FSTL5: variants seen among roughly 807,000 people sequenced by gnomAD.
The protein encoded by FSTL5 is follistatin like 5.
A neutral mutation model predicts 89.1 loss-of-function variants in FSTL5; 62 were observed. That is an observed-to-expected ratio of 0.70 (90% CI 0.57 to 0.86). The LOEUF (loss-of-function observed/expected upper bound fraction) is 0.86. Ranked by LOEUF, FSTL5 falls within the 40% of genes least tolerant of loss-of-function variation. FSTL5 has a pLI of 0.00. For synonymous variants in FSTL5, 383 were observed against 346.2 expected, an observed-to-expected ratio of 1.11 and a Z score of -1.18; for missense variants, 1,057 against 1,001.6, an observed-to-expected ratio of 1.06 and a Z score of -0.75.
Position 161,667,162 on chromosome 4 carries a change from A to G in FSTL5, c.728-10668T>C, listed in dbSNP as rs570199473. ...ATTCTTTTAGTGGTCTTATAAATGTACAATTATCTTTCAAGGGTTCTGTTA... is the reference window on the plus strand; with the variant it reads ...ATTCTTTTAGTGGTCTTATAAATGTGCAATTATCTTTCAAGGGTTCTGTTA... On this transcript the variant is annotated intron_variant, in intron 6 of 15. Transcript: ENST00000306100. Among the ~76,000 whole-genome samples the G allele has an allele frequency of 2.9e-3, 449 of 152,214 alleles. 2 individuals are homozygous for G. Among genetic ancestry groups the G allele is most frequent in the Non-Finnish European group, 5.3e-3 (360 of 67,908 alleles).
intron 13 of FSTL5, among the ~76,000 whole-genome samples, chr4:161,469,198 T>C (rs1343574063): frequency 6.6e-6 from 1 of 152,194 alleles, no homozygotes; most frequent in African/African-American, 2.4e-5. Context: ...GACTGGCTTA[T>C]TTCACTTATC....
intron 2 of FSTL5, among the ~76,000 whole-genome samples, chr4:162,058,423 C>CTTTTTTTTT (rs764578152): frequency 8.9e-6 from 1 of 112,108 alleles, no homozygotes; most frequent in African/African-American, 3.5e-5. Flanking sequence ...ATAAATTCCT[C>CTTTTTTTTT]TTTTTTTTTT....
chr4:161,984,326 A>T (rs1735905250), intron 3 of FSTL5, among the ~76,000 whole-genome samples: 1 of 151,958 alleles, frequency 6.6e-6, no homozygotes, highest in African/African-American at 2.4e-5. Flanking sequence ...TTTTTGCTAT[A>T]AGTTTTTCTG....
chr4:161,547,456 T>C (rs1295033885), intron 8 of FSTL5, among the ~76,000 whole-genome samples: 1 of 151,906 alleles, frequency 6.6e-6, no homozygotes, highest in Non-Finnish European at 1.5e-5. Context: ...TTTTATGAAG[T>C]CAGCATAAAC....
chr4:162,070,382 T>C (rs188581392), intron 2 of FSTL5, among the ~76,000 whole-genome samples: 10 of 152,020 alleles, frequency 6.6e-5, no homozygotes, highest in Non-Finnish European at 5.9e-5. Flanking sequence ...CTTTTGTCTA[T>C]TTTTGTCTGT....
At chr4:161,836,125 TA>T (rs1312561602) in intron 4 of FSTL5, among the ~76,000 whole-genome samples, 1 of 151,754 alleles carries the variant, frequency 6.6e-6, no homozygotes, top group Non-Finnish European at 1.5e-5. Flanking sequence ...TATGCAGCCA[TA>T]AAAAATGATG....
intron 1 of FSTL5, among the ~76,000 whole-genome samples, chr4:162,150,014 T>C (rs1266180808): frequency 6.6e-6 from 1 of 152,204 alleles, no homozygotes; most frequent in African/African-American, 2.4e-5. Flanking sequence ...TTTGTGGTGC[T>C]TTTGGTTTTT....
chr4:161,977,590 G>A (rs1735685599), intron 3 of FSTL5, among the ~76,000 whole-genome samples: 1 of 135,244 alleles, frequency 7.4e-6, no homozygotes, highest in South Asian at 2.3e-4. Flanking sequence ...TCCAGCCTGG[G>A]CGACACAGCG....
At chr4:161,489,238 G>A (rs938730452) in intron 12 of FSTL5, among the ~76,000 whole-genome samples, 1 of 152,108 alleles carries the variant, frequency 6.6e-6, no homozygotes, top group Non-Finnish European at 1.5e-5. Flanking sequence ...TACTGTAAAG[G>A]AGCTGAAATC....
At chr4:161,566,087 C>CTT (rs60409652) in intron 8 of FSTL5, among the ~76,000 whole-genome samples, 85 of 97,030 alleles carry the variant, frequency 8.8e-4, no homozygotes, top group African/African-American at 2.5e-3. Flanking sequence ...TTGTTTTTTT[C>CTT]TTTTTTTTTG....
chr4:161,960,696 T>A (rs937822011), intron 3 of FSTL5, among the ~76,000 whole-genome samples: 1 of 152,072 alleles, frequency 6.6e-6, no homozygotes, highest in Non-Finnish European at 1.5e-5. Context: ...TAGTTTTGAT[T>A]TACTTATGTC....
At chr4:161,441,181 G>A (rs1659649346) in intron 15 of FSTL5, among the ~76,000 whole-genome samples, 1 of 152,062 alleles carries the variant, frequency 6.6e-6, no homozygotes, top group Non-Finnish European at 1.5e-5. Flanking sequence ...CAGTGCTCAT[G>A]ATTGACAAAC....
At chr4:161,452,304 C>T (rs1009578655) in intron 15 of FSTL5, among the ~76,000 whole-genome samples, 4 of 151,912 alleles carry the variant, frequency 2.6e-5, no homozygotes, top group East Asian at 1.9e-4. Flanking sequence ...GGTGAAACTC[C>T]GTCTCTACTA....
intron 10 of FSTL5, among the ~76,000 whole-genome samples, chr4:161,517,647 A>G (rs983521291): frequency 1.3e-5 from 2 of 152,188 alleles, no homozygotes; most frequent in Non-Finnish European, 2.9e-5. Context: ...TAAGGTAGTT[A>G]CCTACATAAC....
chr4:162,000,365 C>T (rs549022276), intron 3 of FSTL5, among the ~76,000 whole-genome samples: 13 of 151,848 alleles, frequency 8.6e-5, no homozygotes, highest in African/African-American at 2.7e-4. Flanking sequence ...CCAAGGTGGG[C>T]GGACTTCCTG....
chr4:161,600,947 C>A (rs935939897), intron 7 of FSTL5, among the ~76,000 whole-genome samples: 2 of 152,124 alleles, frequency 1.3e-5, no homozygotes, highest in Admixed American at 1.3e-4. Flanking sequence ...CCCAGGAACC[C>A]TGGTGCCTCT....
chr4:161,701,906 T>C (rs1027035270), intron 6 of FSTL5, among the ~76,000 whole-genome samples: 2 of 152,124 alleles, frequency 1.3e-5, no homozygotes, highest in Non-Finnish European at 2.9e-5. Context: ...TAGATTTATA[T>C]TGTTCCATGT....
intron 6 of FSTL5, among the ~76,000 whole-genome samples, chr4:161,757,290 T>C (rs1740605205): frequency 6.6e-6 from 1 of 152,158 alleles, no homozygotes; most frequent in Non-Finnish European, 1.5e-5. Flanking sequence ...TTCAACTTAC[T>C]TAATATTTTG....
intron 3 of FSTL5, among the ~76,000 whole-genome samples, chr4:161,982,963 T>C (rs1311926353): frequency 6.6e-6 from 1 of 152,178 alleles, no homozygotes; most frequent in African/African-American, 2.4e-5. Flanking sequence ...TACAATATTA[T>C]CATATTCAAA....
Sources: gnomAD v4.1 joint callset for allele counts (sites outside exome capture counted in the v4.1 genomes callset) on GRCh38, gnomAD v4.1.1 for gene constraint, MANE v1.5 for transcripts, NCBI Gene and HGNC (gene_info 2026-07-23, HGNC 2026-07-21) for gene names.